VAV3: variants seen among roughly 807,000 people sequenced by gnomAD.
VAV3 encodes vav guanine nucleotide exchange factor 3.
A neutral mutation model predicts 131.2 loss-of-function variants in VAV3; 94 were observed. The ratio of observed to expected loss-of-function variants is 0.72; its 90% CI spans 0.61 to 0.85. VAV3 has a LOEUF of 0.85. VAV3 is among the 40% of genes least tolerant of loss of function. The pLI is 0.00. For missense variants in VAV3, 939 were observed against 1,002.7 expected, an observed-to-expected ratio of 0.94 and a Z score of 0.86; for synonymous variants, 349 against 342.0, an observed-to-expected ratio of 1.02 and a Z score of -0.22.
At chr1:107,905,289 T>C (rs1268532027) in intron 1 of VAV3, among the ~76,000 whole-genome samples, 1 of 152,202 alleles carries the variant, frequency 6.6e-6, no homozygotes, top group Non-Finnish European at 1.5e-5. Context: ...AGATTTCCCA[T>C]CCCAAATCAT....
At chr1:107,870,142 G>A (rs1459536958) in intron 2 of VAV3, among the ~76,000 whole-genome samples, 2 of 152,084 alleles carry the variant, frequency 1.3e-5, no homozygotes, top group African/African-American at 4.8e-5. Context: ...TTTCCTCTGG[G>A]TAGATACCCA....
chr1:107,806,390 C>G (rs1052682183), intron 2 of VAV3, among the ~76,000 whole-genome samples: 2 of 151,502 alleles, frequency 1.3e-5, no homozygotes, highest in African/African-American at 2.4e-5. Flanking sequence ...CCCAGGAACT[C>G]ACTCATCCTC....
chr1:107,771,967 G>GACAGCCCATCTGT (rs1553205334), intron 5 of VAV3, among the ~76,000 whole-genome samples: 1 of 152,198 alleles, frequency 6.6e-6, no homozygotes, highest in Non-Finnish European at 1.5e-5. Flanking sequence ...GAAGCTACTG[G>GACAGCCCATCTGT]ACAGCCCATC....
At chr1:107,711,912 C>T (rs1014611530) in intron 15 of VAV3, among the ~76,000 whole-genome samples, 2 of 152,112 alleles carry the variant, frequency 1.3e-5, no homozygotes, top group Admixed American at 6.5e-5. Context: ...TCTCAAACTC[C>T]TGACCTCAGG....
chr1:107,927,147 T>C (rs148209068), intron 1 of VAV3, among the ~76,000 whole-genome samples: 1 of 151,882 alleles, frequency 6.6e-6, no homozygotes, highest in Non-Finnish European at 1.5e-5. Context: ...TCATGAGCCC[T>C]TTCCAGGCCC....
At chr1:107,636,490 T>C (rs1245579289) in intron 20 of VAV3, among the ~76,000 whole-genome samples, 1 of 152,198 alleles carries the variant, frequency 6.6e-6, no homozygotes, top group African/African-American at 2.4e-5. Flanking sequence ...CAAAAATGCA[T>C]TTAATACACC....
intron 7 of VAV3, among the ~76,000 whole-genome samples, chr1:107,767,320 T>C (rs1664788571): frequency 1.3e-5 from 2 of 152,206 alleles, no homozygotes; most frequent in African/African-American, 4.8e-5. Flanking sequence ...CAACTTGAAC[T>C]AGGTGCCAAT....
At chr1:107,669,721 T>C (rs1298221608) in intron 19 of VAV3, among the ~76,000 whole-genome samples, 1 of 152,196 alleles carries the variant, frequency 6.6e-6, no homozygotes, top group Non-Finnish European at 1.5e-5. Context: ...CTTTCATCTA[T>C]TCGTGAGGTG....
At position 107,872,554 on chromosome 1, in the gene VAV3, T is replaced by C. The variant is rs11185188; in HGVS notation, c.321+2347A>G. ...TTATTTTGTTTCTGAATTAACACTA[T>C]TCACATTTTTTCAACTTAAAACTAC... On this transcript the variant is annotated intron_variant, in intron 2 of 26. Coordinates refer to ENST00000370056, the MANE Select transcript of VAV3 (RefSeq NM_006113.5). 4.2e-3 allele frequency among the ~76,000 whole-genome samples: 639 copies of C among 152,290 alleles called. 5 individuals carry two copies. Among genetic ancestry groups the C allele is most frequent in the African/African-American group, 0.014 (601 of 41,552 alleles).
At chr1:107,591,626 C>T (rs755131931) in intron 25 of VAV3, among the ~76,000 whole-genome samples, 4 of 152,128 alleles carry the variant, frequency 2.6e-5, no homozygotes, top group East Asian at 1.9e-4. Context: ...ATATAGCCAG[C>T]AAATGGGATC....
At chr1:107,736,475 A>T (rs1433041143) in intron 15 of VAV3, among the ~76,000 whole-genome samples, 1 of 152,204 alleles carries the variant, frequency 6.6e-6, no homozygotes, top group African/African-American at 2.4e-5. Context: ...CCTCAGCCCA[A>T]AATCTCCTTA....
intron 19 of VAV3, among the ~76,000 whole-genome samples, chr1:107,680,582 CTGT>C (rs1382701132): frequency 3.3e-5 from 5 of 152,124 alleles, no homozygotes; most frequent in Non-Finnish European, 7.3e-5. Flanking sequence ...AGGTCTTGCT[CTGT>C]CACCCAGGCT....
At position 107,813,435 on chromosome 1, in the gene VAV3, G is replaced by C. The variant is rs572403795; in HGVS notation, c.322-33943C>G. ...TAGTTATTATAGGTCACTAATTCCT[G>C]AATAAACCAATTGCTATGGTTAACC... On this transcript the variant is annotated intron_variant, in intron 2 of 26. Transcript: ENST00000370056. Among the ~76,000 whole-genome samples the C allele has an allele frequency of 3.3e-5, 5 of 152,254 alleles. No individual in the cohort carries two copies. The East Asian group carries it at 9.6e-4, about 29-fold the overall frequency.
intron 1 of VAV3, among the ~76,000 whole-genome samples, chr1:107,939,445 G>A (rs1458394270): frequency 5.3e-5 from 8 of 152,134 alleles, no homozygotes; most frequent in East Asian, 1.9e-4. Context: ...GTACTTTCTC[G>A]AAATGCTGGA....
At chr1:107,583,739 C>A (rs1484447138) in intron 25 of VAV3, among the ~76,000 whole-genome samples, 1 of 151,940 alleles carries the variant, frequency 6.6e-6, no homozygotes, top group African/African-American at 2.4e-5. Flanking sequence ...CAAACCACTG[C>A]TCAATGAAAT....
intron 19 of VAV3, among the ~76,000 whole-genome samples, chr1:107,661,296 C>T (rs1354519961): frequency 2.0e-5 from 3 of 152,154 alleles, no homozygotes; most frequent in Admixed American, 6.5e-5. Context: ...CACTCTTGCA[C>T]GACCCATTAT....
At chr1:107,926,752 C>G (rs563471911) in intron 1 of VAV3, among the ~76,000 whole-genome samples, 1 of 152,270 alleles carries the variant, frequency 6.6e-6, no homozygotes, top group East Asian at 1.9e-4. Context: ...GTATTTAAAC[C>G]AGCCCTGGCC....
At chr1:107,878,955 T>C (rs754318758) in intron 1 of VAV3, among the ~76,000 whole-genome samples, 1 of 152,176 alleles carries the variant, frequency 6.6e-6, no homozygotes, top group Non-Finnish European at 1.5e-5. Context: ...GCTAGTATTC[T>C]TTTGTCAAAA....
intron 1 of VAV3, among the ~76,000 whole-genome samples, chr1:107,882,840 T>C (rs1326983577): frequency 6.6e-6 from 1 of 152,180 alleles, no homozygotes; most frequent in African/African-American, 2.4e-5. Flanking sequence ...GTATGCTACA[T>C]GTGGTATCAG....
Sources: gnomAD v4.1 joint callset for allele counts (sites outside exome capture counted in the v4.1 genomes callset) on GRCh38, gnomAD v4.1.1 for gene constraint, MANE v1.5 for transcripts, NCBI Gene and HGNC (gene_info 2026-07-23, HGNC 2026-07-21) for gene names.